Variants in NALF1 observed in about 807,000 individuals in gnomAD.
The protein encoded by NALF1 is NALCN channel auxiliary factor 1, also known as family with sequence similarity 155 member A.
A neutral mutation model predicts 48.4 loss-of-function variants in NALF1; 3 were observed. The observed-to-expected ratio is 0.06, with a 90% CI of 0.03 to 0.16. NALF1 has a LOEUF of 0.16. Ranked by LOEUF, NALF1 falls within the 10% of genes least tolerant of loss-of-function variation. The pLI is 1.00. For synonymous variants in NALF1, 262 were observed against 245.7 expected, an observed-to-expected ratio of 1.07 and a Z score of -0.62; for missense variants, 526 against 571.5, an observed-to-expected ratio of 0.92 and a Z score of 0.81.
At chr13:107,544,681 T>G (rs983196478) in intron 1 of NALF1, among the ~76,000 whole-genome samples, 5 of 152,176 alleles carry the variant, frequency 3.3e-5, no homozygotes, top group Non-Finnish European at 7.3e-5. Context: ...TGTAGCAGCT[T>G]TTTAAGTTTC....
intron 1 of NALF1, among the ~76,000 whole-genome samples, chr13:107,694,403 CTCTT>C (rs892281389): frequency 5.3e-5 from 8 of 152,130 alleles, no homozygotes; most frequent in African/African-American, 1.4e-4. Context: ...CTCTCTCTCT[CTCTT>C]TATATATATT....
intron 1 of NALF1, among the ~76,000 whole-genome samples, chr13:107,297,228 A>G (rs72650515): frequency 0.067 from 10,225 of 152,154 alleles, 514 homozygotes; most frequent in African/African-American, 0.13. Flanking sequence ...TGGGAAAAGG[A>G]TAGTGTCTTT....
At position 107,167,048 on chromosome 13, in the gene NALF1, A is replaced by AC. The variant is rs1167478791; in HGVS notation, c.*3448dup. 6.6e-6 allele frequency: 1 copy of AC among 152,124 alleles called. No individual in the cohort carries two copies. Among genetic ancestry groups the AC allele is most frequent in the African/African-American group, 2.4e-5 (1 of 41,418 alleles). 9.4% of individuals were successfully genotyped at this position (152,124 alleles called of 1,614,324 possible). ...TAAATGCAATAAAGAATGACATTGA[A>AC]CTCTATGTTATTTGCCATTTAGCTT... On this transcript the variant is annotated 3_prime_UTR_variant, in exon 3 of 3. Coordinates refer to ENST00000375915, the MANE Select transcript of NALF1 (RefSeq NM_001080396.3).
intron 1 of NALF1, among the ~76,000 whole-genome samples, chr13:107,802,191 C>A (rs1878638497): frequency 6.6e-6 from 1 of 152,118 alleles, no homozygotes; most frequent in African/African-American, 2.4e-5. Context: ...GTAATTGCTT[C>A]ATTTCAATTT....
chr13:107,173,364 A>G (rs1319872929), intron 2 of NALF1, among the ~76,000 whole-genome samples: 1 of 152,182 alleles, frequency 6.6e-6, no homozygotes, highest in African/African-American at 2.4e-5. Context: ...GATGACATAA[A>G]TGTAATTCTT....
chr13:107,182,498 G>A (rs928751199), intron 2 of NALF1, among the ~76,000 whole-genome samples: 82 of 152,072 alleles, frequency 5.4e-4, no homozygotes, highest in African/African-American at 1.9e-3. Flanking sequence ...TCAAACTTCC[G>A]GGCTCAAGTG....
chr13:107,680,425 A>G, intron 1 of NALF1, among the ~76,000 whole-genome samples: 1 of 149,950 alleles, frequency 6.7e-6, no homozygotes, highest in East Asian at 2.0e-4. Flanking sequence ...TGTGCGTGTG[A>G]GTGTGAACAT....
intron 1 of NALF1, among the ~76,000 whole-genome samples, chr13:107,604,624 G>T (rs1303477437): frequency 1.3e-5 from 2 of 152,140 alleles, no homozygotes; most frequent in African/African-American, 2.4e-5. Context: ...AATTAAACAT[G>T]ATATGAAAGA....
At chr13:107,417,889 C>T (rs9587383) in intron 1 of NALF1, among the ~76,000 whole-genome samples, 30,886 of 151,852 alleles carry the variant, frequency 0.2, 3,579 homozygotes, top group Middle Eastern at 0.27. Context: ...GACGAAACCC[C>T]GTCTCTACTA....
chr13:107,405,580 A>G lies in NALF1; in HGVS notation c.916-194825T>C, dbSNP rs116703325. On this transcript the variant is annotated intron_variant, in intron 1 of 2. Transcript: ENST00000375915. Reference sequence around the variant, plus strand: ...CAGTCAGGAGTTCAGTGTCTGATTAAAAATTGTGATCTACATTAGAACTCC... The same window carrying G: ...CAGTCAGGAGTTCAGTGTCTGATTAGAAATTGTGATCTACATTAGAACTCC... Among the ~76,000 whole-genome samples the G allele has an allele frequency of 8.0e-3, 1,210 of 152,170 alleles. 12 individuals carry two copies. The highest frequency in any genetic ancestry group is 0.027 in the African/African-American group (1,134 of 41,548).
intron 1 of NALF1, among the ~76,000 whole-genome samples, chr13:107,572,065 A>G (rs1230408166): frequency 1.3e-5 from 2 of 152,174 alleles, no homozygotes; most frequent in Admixed American, 1.3e-4. Context: ...ATATCCTAAA[A>G]CCATACACAA....
At chr13:107,631,565 G>A (rs9555393) in intron 1 of NALF1, among the ~76,000 whole-genome samples, 87,891 of 151,860 alleles carry the variant, frequency 0.58, 27,902 homozygotes, top group East Asian at 0.99. Context: ...AATTCAGAGA[G>A]TAAGTCCCTC....
At chr13:107,523,748 TA>T (rs1202666220) in intron 1 of NALF1, among the ~76,000 whole-genome samples, 3 of 151,958 alleles carry the variant, frequency 2.0e-5, no homozygotes, top group Non-Finnish European at 2.9e-5. Context: ...ACATTTAAGA[TA>T]AAAATAACAA....
chr13:107,468,042 C>T lies in NALF1; in HGVS notation c.916-257287G>A, dbSNP rs374685068. Among the ~76,000 whole-genome samples, 76 of 133,984 alleles carry T rather than the reference C, an allele frequency of 5.7e-4. 1 individual carries two copies. The East Asian group carries it at 0.014, about 24-fold the overall frequency. The allele number at this position is 133,984 out of a possible 152,430, so 87.9% of individuals were successfully genotyped here. On this transcript the variant is annotated intron_variant, in intron 1 of 2. Coordinates refer to ENST00000375915, the MANE Select transcript of NALF1 (RefSeq NM_001080396.3). ...CAGCCTGGGCGACAGAGCGAGACTC[C>T]GTCTCAAAAAAAAAAAAAAAAAAAG... is the stretch of plus-strand genomic sequence containing the variant.
intron 1 of NALF1, among the ~76,000 whole-genome samples, chr13:107,284,650 T>C (rs1881455869): frequency 6.6e-6 from 1 of 151,938 alleles, no homozygotes; most frequent in South Asian, 2.1e-4. Flanking sequence ...TGGGAAGTAA[T>C]GAGGTTTAGA....
intron 1 of NALF1, among the ~76,000 whole-genome samples, chr13:107,620,911 G>A (rs1036375107): frequency 2.0e-5 from 3 of 152,150 alleles, no homozygotes; most frequent in East Asian, 1.9e-4. Context: ...TTGACAAAAT[G>A]TGTTTGGTTT....
At chr13:107,542,969 G>A (rs1478095413) in intron 1 of NALF1, among the ~76,000 whole-genome samples, 1 of 151,960 alleles carries the variant, frequency 6.6e-6, no homozygotes, top group African/African-American at 2.4e-5. Flanking sequence ...TCTCCTCACA[G>A]TTTATAATAA....
intron 1 of NALF1, among the ~76,000 whole-genome samples, chr13:107,363,317 G>T (rs1205464178): frequency 6.6e-6 from 1 of 152,156 alleles, no homozygotes; most frequent in Non-Finnish European, 1.5e-5. Context: ...GTTTTGGCTG[G>T]GTGTGATGGC....
chr13:107,758,738 A>G (rs1452874702), intron 1 of NALF1, among the ~76,000 whole-genome samples: 1 of 152,296 alleles, frequency 6.6e-6, no homozygotes, highest in East Asian at 1.9e-4. Context: ...AAAAATAAAA[A>G]GAAAAAGAAA....
Sources: allele counts gnomAD v4.1 joint callset (sites outside exome capture counted in the v4.1 genomes callset), GRCh38; gene constraint gnomAD v4.1.1; transcripts MANE v1.5; gene names NCBI Gene and HGNC (gene_info 2026-07-23, HGNC 2026-07-21).